WWP2: variants seen among roughly 807,000 people sequenced by gnomAD.
WWP2 encodes the protein NEDD4-like E3 ubiquitin-protein ligase WWP2.
WWP2 carries 57 observed loss-of-function variants against 121.0 expected under a neutral mutation model. The observed-to-expected ratio is 0.47, with a 90% CI of 0.38 to 0.59. The LOEUF (loss-of-function observed/expected upper bound fraction) is 0.59, where lower values mean the gene tolerates loss of function less well. Among genes scored for constraint, WWP2 ranks in the 20% least tolerant of loss-of-function variants. The pLI is 0.00. For missense variants in WWP2, 962 were observed against 1,158.9 expected, an observed-to-expected ratio of 0.83 and a Z score of 2.47; for synonymous variants, 449 against 441.3, an observed-to-expected ratio of 1.02 and a Z score of -0.22.
intron 8 of WWP2, among the ~76,000 whole-genome samples, chr16:69,898,009 TTTTTC>T (rs1473696086): frequency 6.7e-6 from 1 of 149,626 alleles, no homozygotes; most frequent in African/African-American, 2.5e-5. Context: ...TGGTTTTTTC[TTTTTC>T]TTTTCTTTCT....
chr16:69,931,043 T>G (rs1411581802), intron 13 of WWP2, 109 bp from the exon 14 acceptor site: 1 of 1,028,106 alleles, frequency 9.7e-7, no homozygotes, highest in African/African-American at 1.6e-5. Flanking sequence ...CACCTTACAT[T>G]ACTAATCTTT....
At chr16:69,939,708 A>G in intron 23 of WWP2, 133 bp from the exon 24 acceptor site, 1 of 735,022 alleles carries the variant, frequency 1.4e-6, no homozygotes, top group Non-Finnish European at 2.0e-6. Flanking sequence ...TGCAATGTGA[A>G]GGCCTGACTG....
At chr16:69,895,629 G>T (rs562642042) in intron 8 of WWP2, among the ~76,000 whole-genome samples, 1 of 152,264 alleles carries the variant, frequency 6.6e-6, no homozygotes, top group East Asian at 1.9e-4. Flanking sequence ...CATCAGCTGT[G>T]TGCACCTGTG....
intron 5 of WWP2, 139 bp downstream of exon 5, chr16:69,840,402 T>A: frequency 4.7e-6 from 5 of 1,067,758 alleles, no homozygotes; most frequent in Non-Finnish European, 6.7e-6. Context: ...TAGCCCGGAC[T>A]CTTCTTAGCT....
chr16:69,919,014 T>C (rs779775595), intron 10 of WWP2, among the ~76,000 whole-genome samples: 1 of 151,716 alleles, frequency 6.6e-6, no homozygotes, highest in African/African-American at 2.4e-5. Flanking sequence ...CGGCTAATTT[T>C]TGTATTTTTA....
intron 6 of WWP2, among the ~76,000 whole-genome samples, chr16:69,867,244 G>T (rs1196435406): frequency 1.3e-5 from 2 of 151,948 alleles, no homozygotes; most frequent in Non-Finnish European, 2.9e-5. Flanking sequence ...CTGCACTGAG[G>T]TAACACTGTC....
intron 6 of WWP2, among the ~76,000 whole-genome samples, chr16:69,861,428 C>T (rs1249691257): frequency 6.6e-6 from 1 of 152,030 alleles, no homozygotes; most frequent in Non-Finnish European, 1.5e-5. Context: ...CTCTAGGGTG[C>T]GCAAAAGGAA....
At chr16:69,778,801 C>T (rs900045974) in intron 1 of WWP2, among the ~76,000 whole-genome samples, 6 of 151,404 alleles carry the variant, frequency 4.0e-5, no homozygotes, top group African/African-American at 9.7e-5. Flanking sequence ...CACCACTCCT[C>T]GCTAATTTTT....
intron 16 of WWP2, 67 bp downstream of exon 16, chr16:69,931,957 G>T: frequency 6.9e-7 from 1 of 1,441,224 alleles, no homozygotes. Flanking sequence ...TCAATGGCCA[G>T]AAAGCTGCCT....
chr16:69,903,676 G>A (rs2058240179), intron 8 of WWP2, among the ~76,000 whole-genome samples: 1 of 151,884 alleles, frequency 6.6e-6, no homozygotes, highest in Non-Finnish European at 1.5e-5. Flanking sequence ...GCTGAGGCAG[G>A]GGAATCGGTT....
At chr16:69,931,450 A>G (rs1479243967) in intron 14 of WWP2, 59 bp from the exon 15 acceptor site, 1 of 1,602,328 alleles carries the variant, frequency 6.2e-7, no homozygotes, top group Admixed American at 1.7e-5. Context: ...TCATACAGAC[A>G]GGAGAACAGA....
At chr16:69,867,328 T>A (rs1411684173) in intron 6 of WWP2, among the ~76,000 whole-genome samples, 2 of 152,186 alleles carry the variant, frequency 1.3e-5, no homozygotes, top group Non-Finnish European at 2.9e-5. Context: ...TAGAAATTTG[T>A]GTCTCAGCAG....
intron 7 of WWP2, among the ~76,000 whole-genome samples, chr16:69,883,292 C>G (rs543905159): frequency 6.6e-6 from 1 of 152,008 alleles, no homozygotes; most frequent in Non-Finnish European, 1.5e-5. Context: ...CCAGGGTGAC[C>G]GTGGGCCAGT....
At position 69,777,099 on chromosome 16, in the gene WWP2, T is replaced by C. The variant is rs147992282; in HGVS notation, c.-15-9897T>C. 8.8e-3 allele frequency among the ~76,000 whole-genome samples: 1,324 copies of C among 150,814 alleles called. 22 individuals are homozygous for C. Among genetic ancestry groups the C allele is most frequent in the African/African-American group, 0.031 (1,259 of 41,262 alleles). Reference sequence around the variant, plus strand: ...TTAAAACAGTATATGGATATATATATACACATATGTGTATATACAATACAC... The same window carrying C: ...TTAAAACAGTATATGGATATATATACACACATATGTGTATATACAATACAC... On this transcript the variant is annotated intron_variant, in intron 1 of 23. Coordinates refer to ENST00000359154, the MANE Select transcript of WWP2 (RefSeq NM_001270454.2).
Position 69,917,238 on chromosome 16 carries a change from T to G in WWP2, c.1005-471T>G, listed in dbSNP as rs549531760. Among the ~76,000 whole-genome samples, 29 of 152,352 alleles carry G rather than the reference T, an allele frequency of 1.9e-4. 1 individual carries two copies. The South Asian group carries it at 5.6e-3, about 29-fold the overall frequency. ...CAACAATATCACCAAGGAATTGGCT[T>G]TTCTCCCATTTTTCTGCTCTGCCAT... On this transcript the variant is annotated intron_variant, in intron 9 of 23. Transcript: ENST00000359154.
chr16:69,842,410 C>T (rs2056996723), intron 6 of WWP2, among the ~76,000 whole-genome samples: 1 of 152,000 alleles, frequency 6.6e-6, no homozygotes. Flanking sequence ...GAAGTTTGGG[C>T]TTCTAATGAT....
chr16:69,935,275 T>C lies in WWP2; in HGVS notation c.1843-578T>C, dbSNP rs566084875. 1.1e-4 allele frequency among the ~76,000 whole-genome samples: 16 copies of C among 152,206 alleles called. No individual in the cohort carries two copies. Among genetic ancestry groups the C allele is most frequent in the Middle Eastern group, 3.4e-3 (1 of 294 alleles). ...GACTAAATATGGCCGGCCCTTCCCA[T>C]CGTCGAGGAGTTCTTGGCCAAGGTG... On this transcript the variant is annotated intron_variant, in intron 17 of 23. Transcript: ENST00000359154. The surrounding 1 kb of genome is among the most constrained non-coding windows in gnomAD (Gnocchi z 5.2).
Position 69,778,192 on chromosome 16 carries a change from A to ATTTTT in WWP2, c.-15-8795_-15-8791dup, listed in dbSNP as rs57651000. ...TAAATAAATATATATATATATATAT[A>ATTTTT]TTTTTTTTTTTTTGAGAAATTTCAA... On this transcript the variant is annotated intron_variant, in intron 1 of 23. Coordinates refer to ENST00000359154, the MANE Select transcript of WWP2 (RefSeq NM_001270454.2). Among the ~76,000 whole-genome samples, 39 of 125,616 alleles carry ATTTTT rather than the reference A, an allele frequency of 3.1e-4. 1 individual carries two copies. The highest frequency in any genetic ancestry group is 1.2e-3 in the African/African-American group (38 of 31,532). The allele number at this position is 125,616 out of a possible 152,430, so 82.4% of individuals were successfully genotyped here. A position where few individuals can be genotyped will look rare whatever the true frequency, so the allele number is the denominator to read the frequency against.
chr16:69,856,864 G>A (rs1196111785), intron 6 of WWP2, among the ~76,000 whole-genome samples: 1 of 151,656 alleles, frequency 6.6e-6, no homozygotes, highest in African/African-American at 2.4e-5. Context: ...CTTTTGTTTT[G>A]TGTCCACTTG....
Sources: gnomAD v4.1 joint callset for allele counts (sites outside exome capture counted in the v4.1 genomes callset) on GRCh38, gnomAD v4.1.1 for gene constraint, Gnocchi (gnomAD v3.1) non-coding constraint, MANE v1.5 for transcripts, NCBI Gene and HGNC (gene_info 2026-07-23, HGNC 2026-07-21) for gene names.